The following MEF2C variants were observed in gnomAD, a reference collection of about 807,000 sequenced individuals.
MEF2C encodes the protein myocyte enhancer factor 2C.
MEF2C carries 6 observed loss-of-function variants against 50.5 expected under a neutral mutation model. The ratio of observed to expected loss-of-function variants is 0.12; its 90% confidence interval spans 0.07 to 0.23. MEF2C has a LOEUF of 0.23. Among genes scored for constraint, MEF2C ranks in the 10% least tolerant of loss-of-function variants. The pLI is 1.00. For synonymous variants in MEF2C, 183 were observed against 228.0 expected, an observed-to-expected ratio of 0.80 and a Z score of 1.78; for missense variants, 276 against 605.0, an observed-to-expected ratio of 0.46 and a Z score of 5.70.
chr5:88,807,754 G>C (rs996417707), intron 2 of MEF2C, among the ~76,000 whole-genome samples: 4 of 152,136 alleles, frequency 2.6e-5, no homozygotes, highest in African/African-American at 9.7e-5. Context: ...TTGGTGACTT[G>C]AAGAGTCTAC....
At chr5:88,733,244 G>A (rs1326973685) in intron 6 of MEF2C, 8 of 985,196 alleles carry the variant, frequency 8.1e-6, no homozygotes, top group Non-Finnish European at 9.6e-6. Flanking sequence ...GTAGGAAAGG[G>A]CTGAGGTAGG....
intron 3 of MEF2C, among the ~76,000 whole-genome samples, chr5:88,804,029 T>C (rs1799379768): frequency 6.6e-6 from 1 of 152,180 alleles, no homozygotes; most frequent in Admixed American, 6.5e-5. Flanking sequence ...CAGTTTTCAT[T>C]GATATATATA....
At chr5:88,802,891 A>G (rs1798940511) in intron 3 of MEF2C, among the ~76,000 whole-genome samples, 2 of 152,224 alleles carry the variant, frequency 1.3e-5, no homozygotes, top group African/African-American at 4.8e-5. Context: ...CTCATTATGG[A>G]TCTACAGCAT....
At chr5:88,894,649 T>A (rs1834927466) in intron 1 of MEF2C, among the ~76,000 whole-genome samples, 1 of 152,194 alleles carries the variant, frequency 6.6e-6, no homozygotes, top group Non-Finnish European at 1.5e-5. Context: ...AAGCATTAGA[T>A]TATTTGATAT....
At chr5:88,890,913 C>T (rs946239682) in intron 1 of MEF2C, among the ~76,000 whole-genome samples, 1 of 152,088 alleles carries the variant, frequency 6.6e-6, no homozygotes, top group African/African-American at 2.4e-5. Flanking sequence ...AGATAAGGTC[C>T]CCTAACAGGG....
rs866681649 is a variant in MEF2C at position 88,760,412 on chromosome 5, A to T, written c.402+773T>A. Among the ~76,000 whole-genome samples the T allele has an allele frequency of 3.9e-4, 59 of 152,366 alleles. No individual in the cohort carries two copies. In the Middle Eastern group the frequency reaches 0.01, roughly 26 times the overall value. ...TTTAAAATCACCCCAGCACACAAAC[A>T]TGTTGAAATCTTACCATTAGGTTTC... On this transcript the variant is annotated intron_variant, in intron 4 of 10. Transcript: ENST00000504921.
At chr5:88,738,289 G>A (rs1764960348) in intron 6 of MEF2C, 23 of 984,942 alleles carry the variant, frequency 2.3e-5, no homozygotes, top group Non-Finnish European at 2.5e-5. Flanking sequence ...ATTAGCAATC[G>A]CTAACACAGT....
chr5:88,863,323 C>G (rs901503377), intron 1 of MEF2C, among the ~76,000 whole-genome samples: 1 of 152,194 alleles, frequency 6.6e-6, no homozygotes, highest in African/African-American at 2.4e-5. Context: ...ATGAAACACT[C>G]CCATGAAACA....
chr5:88,752,787 T>A, intron 4 of MEF2C: 8 of 985,030 alleles, frequency 8.1e-6, no homozygotes, highest in Non-Finnish European at 9.6e-6. Context: ...TTTCAATGAT[T>A]GATTTTTGAG....
chr5:88,897,337 C>T (rs774908678), intron 1 of MEF2C, among the ~76,000 whole-genome samples: 17 of 152,294 alleles, frequency 1.1e-4, no homozygotes, highest in Admixed American at 4.6e-4. Flanking sequence ...GTGTAGCCTA[C>T]GGCCGCAAAA....
At chr5:88,857,296 A>G (rs1823783135) in intron 1 of MEF2C, among the ~76,000 whole-genome samples, 1 of 152,142 alleles carries the variant, frequency 6.6e-6, no homozygotes, top group Admixed American at 6.5e-5. Context: ...CTATACTCCC[A>G]TTGTATCTAG....
At chr5:88,864,170 A>C (rs1292854402) in intron 1 of MEF2C, among the ~76,000 whole-genome samples, 1 of 150,088 alleles carries the variant, frequency 6.7e-6, no homozygotes, top group East Asian at 1.9e-4. Flanking sequence ...TTTAAGGCTG[A>C]ATGGTATTTC....
intron 2 of MEF2C, among the ~76,000 whole-genome samples, chr5:88,807,471 C>G (rs576238519): frequency 1.3e-5 from 2 of 152,142 alleles, no homozygotes; most frequent in African/African-American, 4.8e-5. Context: ...TGAGCTCAAG[C>G]GATCCTCCCG....
intron 1 of MEF2C, among the ~76,000 whole-genome samples, chr5:88,880,075 A>G (rs1204250053): frequency 1.3e-5 from 2 of 152,172 alleles, no homozygotes; most frequent in Admixed American, 6.5e-5. Context: ...ATTAAGGTAC[A>G]GTGCTAAGGA....
intron 3 of MEF2C, among the ~76,000 whole-genome samples, chr5:88,768,860 A>C (rs1211029179): frequency 6.6e-6 from 1 of 152,232 alleles, no homozygotes; most frequent in Non-Finnish European, 1.5e-5. Context: ...TTTTTAAGTT[A>C]GAAAGCAGTG....
At chr5:88,746,024 G>A (rs1769341582) in intron 6 of MEF2C, among the ~76,000 whole-genome samples, 1 of 152,216 alleles carries the variant, frequency 6.6e-6, no homozygotes, top group Non-Finnish European at 1.5e-5. Context: ...GAGCTGGAGG[G>A]CCGGGTTCTT....
chr5:88,826,296 C>G (rs1172945334), intron 1 of MEF2C, among the ~76,000 whole-genome samples: 1 of 151,856 alleles, frequency 6.6e-6, no homozygotes, highest in Non-Finnish European at 1.5e-5. Flanking sequence ...ATATGCAAAG[C>G]AATGTAGAGA....
rs143092447 is a variant in MEF2C at position 88,843,133 on chromosome 5, C to T, written c.-142-19203G>A. Among the ~76,000 whole-genome samples the T allele has an allele frequency of 2.1e-4, 32 of 150,664 alleles. No individual in the cohort carries two copies. In the East Asian group the frequency reaches 6.0e-3, roughly 28 times the overall value. ...GGGGGTGGTATCTTGTCAACCCTAA[C>T]GTTTTTCCTATCTCATTTTTGGGAG... On this transcript the variant is annotated intron_variant, in intron 1 of 10. Transcript: ENST00000504921.
At chr5:88,804,521 G>C in intron 3 of MEF2C, 77 bp downstream of exon 3, 1 of 1,253,198 alleles carries the variant, frequency 8.0e-7, no homozygotes, top group Non-Finnish European at 1.2e-6. Context: ...CATGATGTGT[G>C]TATGTGTGTG....
Sources: allele counts gnomAD v4.1 joint callset (sites outside exome capture counted in the v4.1 genomes callset), GRCh38; gene constraint gnomAD v4.1.1; transcripts MANE v1.5; gene names NCBI Gene and HGNC (gene_info 2026-07-23, HGNC 2026-07-21).